TSPEAR: variants seen among roughly 807,000 people sequenced by gnomAD.
The protein encoded by TSPEAR is thrombospondin-type laminin G domain and EAR repeat-containing protein.
Under a neutral mutation model 71.6 loss-of-function variants are expected in TSPEAR, and 69 were observed. The observed-to-expected ratio is 0.96, with a 90% CI of 0.79 to 1.18. The LOEUF (loss-of-function observed/expected upper bound fraction) is 1.18. Among genes scored for constraint, TSPEAR ranks in the 50% most tolerant of loss-of-function variants. The probability of loss-of-function intolerance (pLI) is 0.00; values close to 1 mark genes in which losing one functional copy is unlikely to be tolerated. For missense variants in TSPEAR, 971 were observed against 894.9 expected, an observed-to-expected ratio of 1.09 and a Z score of -1.09; for synonymous variants, 402 against 387.2, an observed-to-expected ratio of 1.04 and a Z score of -0.45.
At position 44,646,500 on chromosome 21, in the gene TSPEAR, C is replaced by T. The variant is rs199741274; in HGVS notation, c.82+64933G>A. 2.1e-4 allele frequency: 334 copies of T among 1,613,002 alleles called. No individual in the cohort carries two copies. In the Middle Eastern group the frequency reaches 6.2e-3, roughly 30 times the overall value. On this transcript the variant is annotated intron_variant, in intron 1 of 11. Transcript: ENST00000323084. Reference sequence around the variant, plus strand: ...TGTCTGTCTGCTCCAGCGCTTACTCCGACTCCTGGCAGGTGGACGACTGCC... The same window carrying T: ...TGTCTGTCTGCTCCAGCGCTTACTCTGACTCCTGGCAGGTGGACGACTGCC...
chr21:44,575,751 T>C (rs1002534710), intron 1 of TSPEAR, among the ~76,000 whole-genome samples: 1 of 152,256 alleles, frequency 6.6e-6, no homozygotes, highest in Non-Finnish European at 1.5e-5. Flanking sequence ...CGACATTGCC[T>C]AAAACCTCTT....
intron 1 of TSPEAR, among the ~76,000 whole-genome samples, chr21:44,694,088 T>C (rs4476431): frequency 0.71 from 108,568 of 152,128 alleles, 38,971 homozygotes; most frequent in Middle Eastern, 0.84. Flanking sequence ...TATTCATTCA[T>C]GGTCAACCGA....
intron 8 of TSPEAR, 57 bp from the exon 9 acceptor site, chr21:44,522,169 G>A (rs2052748598): frequency 1.3e-6 from 2 of 1,545,286 alleles, no homozygotes; most frequent in Admixed American, 3.3e-5. Flanking sequence ...CCCCATGGCA[G>A]CCCCGACGGA....
intron 11 of TSPEAR, among the ~76,000 whole-genome samples, chr21:44,503,923 G>A (rs2052117404): frequency 6.9e-6 from 1 of 145,426 alleles, no homozygotes; most frequent in Non-Finnish European, 1.5e-5. Context: ...TGGCCTCGGT[G>A]AGCCCTCGGC....
chr21:44,571,699 A>C (rs1255521480), intron 1 of TSPEAR, among the ~76,000 whole-genome samples: 1 of 152,236 alleles, frequency 6.6e-6, no homozygotes, highest in Non-Finnish European at 1.5e-5. Flanking sequence ...GCCAAAACGA[A>C]AGGACTTGAG....
intron 8 of TSPEAR, among the ~76,000 whole-genome samples, chr21:44,523,357 TGTCAGTCAGTCAGTAAGGTAGTCAGTTG>T (rs1569162909): frequency 3.3e-5 from 5 of 151,530 alleles, no homozygotes; most frequent in African/African-American, 1.2e-4. Flanking sequence ...CGGTCAGTTG[TGTCAGTCAGTCAGTAAGGTAGTCAGTTG>T]GTCAGTCAGT....
intron 11 of TSPEAR, among the ~76,000 whole-genome samples, chr21:44,504,416 G>C (rs1333308564): frequency 7.4e-6 from 1 of 134,288 alleles, no homozygotes; most frequent in Non-Finnish European, 1.6e-5. Context: ...GGGAAGCAAG[G>C]CTCTGGGAGG....
intron 2 of TSPEAR, among the ~76,000 whole-genome samples, chr21:44,564,191 A>G (rs587713677): frequency 6.6e-5 from 10 of 152,330 alleles, no homozygotes; most frequent in Middle Eastern, 3.4e-3. Context: ...AATGACCACA[A>G]AAGTGCCACC....
chr21:44,656,343 C>G (rs1985146034), intron 1 of TSPEAR, among the ~76,000 whole-genome samples: 1 of 152,232 alleles, frequency 6.6e-6, no homozygotes, highest in African/African-American at 2.4e-5. Flanking sequence ...CCGTGCACGT[C>G]ACCTGCAGTG....
At chr21:44,524,100 TAGTCAGGTAGTC>T (rs1290652532) in intron 8 of TSPEAR, among the ~76,000 whole-genome samples, 1 of 149,392 alleles carries the variant, frequency 6.7e-6, no homozygotes, top group African/African-American at 2.5e-5. Flanking sequence ...ATAAGTGAGG[TAGTCAGGTAGTC>T]AGTCAGATAG....
chr21:44,697,200 C>G, intron 1 of TSPEAR: 2 of 1,613,198 alleles, frequency 1.2e-6, no homozygotes, highest in Non-Finnish European at 1.7e-6. Flanking sequence ...GCTGCATCCA[C>G]CATGTCCGTC....
chr21:44,666,977 C>T (rs1255281995), intron 1 of TSPEAR: 10 of 1,391,366 alleles, frequency 7.2e-6, no homozygotes, highest in African/African-American at 1.4e-5. Context: ...GCCCAGGCAT[C>T]CCCACAGCAC....
rs1462086656 is a variant in TSPEAR at position 44,604,808 on chromosome 21, A to T, written c.83-36803T>A. Among the ~76,000 whole-genome samples the T allele has an allele frequency of 3.3e-5, 5 of 152,200 alleles. No individual in the cohort carries two copies. The East Asian group carries it at 9.6e-4, about 29-fold the overall frequency. Reference sequence around the variant, plus strand: ...AGTTTTAATCATGAATGAATGCTGAATTTGTTCAAATGGTCTTTTGCATCT... The same window carrying T: ...AGTTTTAATCATGAATGAATGCTGATTTTGTTCAAATGGTCTTTTGCATCT... On this transcript the variant is annotated intron_variant, in intron 1 of 11. Transcript: ENST00000323084.
intron 2 of TSPEAR, among the ~76,000 whole-genome samples, chr21:44,552,626 G>T (rs978633061): frequency 6.6e-6 from 1 of 152,148 alleles, no homozygotes; most frequent in African/African-American, 2.4e-5. Context: ...GAAATGAGAC[G>T]TGAACCTCTG....
At chr21:44,645,949 C>A (rs1348184922) in intron 1 of TSPEAR, among the ~76,000 whole-genome samples, 8 of 150,990 alleles carry the variant, frequency 5.3e-5, no homozygotes, top group African/African-American at 1.9e-4. Flanking sequence ...ACCAGCCTGG[C>A]CAAGATGGTG....
At chr21:44,676,020 A>G in intron 1 of TSPEAR, 1 of 848,890 alleles carries the variant, frequency 1.2e-6, no homozygotes, top group Non-Finnish European at 2.1e-6. Flanking sequence ...TGATTGACAA[A>G]TTTTGCTACT....
chr21:44,609,031 CA>C (rs1170286053), intron 1 of TSPEAR, among the ~76,000 whole-genome samples: 1 of 151,942 alleles, frequency 6.6e-6, no homozygotes, highest in Non-Finnish European at 1.5e-5. Flanking sequence ...AATGGGGCAG[CA>C]AAAAAAGAGT....
At chr21:44,573,095 T>C (rs1399092482) in intron 1 of TSPEAR, among the ~76,000 whole-genome samples, 1 of 152,146 alleles carries the variant, frequency 6.6e-6, no homozygotes, top group Non-Finnish European at 1.5e-5. Context: ...TTCTGTTGTG[T>C]GACCAGCCAG....
At position 44,711,476 on chromosome 21, in the gene TSPEAR, CA is replaced by C. The variant is rs778688031; in HGVS notation, c.38del (p.Leu13ArgfsTer38). On this transcript the variant is annotated frameshift_variant, in exon 1 of 12. Transcript: ENST00000323084. LOFTEE classifies it high-confidence loss of function. The surrounding 1 kb of genome is among the most constrained non-coding windows in gnomAD (Gnocchi z 4.5). Reference protein sequence around the residue: ...ALLSLCFVLPLAAPGHGTQGW... With the variant: ...ALLSLCFVLPXAAPGHGTQGW... The stretch of plus-strand genomic sequence containing the variant: ...CCTGCGTGCCGTGGCCGGGGGCCGC[CA>C]GGGGCAGCACAAAACACAGACTCAG... 355 of 1,611,892 alleles carry C rather than the reference CA, an allele frequency of 2.2e-4. No homozygotes were observed. Among genetic ancestry groups the C allele is most frequent in the Non-Finnish European group, 2.8e-4 (336 of 1,179,460 alleles).
Sources: allele counts gnomAD v4.1 joint callset (sites outside exome capture counted in the v4.1 genomes callset), GRCh38; gene constraint gnomAD v4.1.1; non-coding constraint Gnocchi (gnomAD v3.1); transcripts MANE v1.5; gene names NCBI Gene and HGNC (gene_info 2026-07-23, HGNC 2026-07-21).